Variants in ZBTB10 observed in about 807,000 individuals in gnomAD.
ZBTB10 encodes the protein zinc finger and BTB domain containing 10.
In ZBTB10, 32 loss-of-function variants were observed where a neutral mutation model predicts 76.4. That is an observed-to-expected ratio of 0.42 (90% CI 0.32 to 0.56). ZBTB10 has a LOEUF of 0.56. Ranked by LOEUF, ZBTB10 falls within the 20% of genes least tolerant of loss-of-function variation. The pLI is 0.14. For synonymous variants in ZBTB10, 523 were observed against 432.9 expected (o/e 1.21, Z -2.58); for missense variants, 1,057 against 1,098.5 (o/e 0.96, Z 0.53).
At chr8:80,500,948 A>G (rs1161601764) in intron 2 of ZBTB10, among the ~76,000 whole-genome samples, 1 of 151,838 alleles carries the variant, frequency 6.6e-6, no homozygotes, top group Non-Finnish European at 1.5e-5. Context: ...CTCACTGCAA[A>G]CTCCGCCTCC....
chr8:80,496,721 A>G (rs1316578608), intron 1 of ZBTB10, among the ~76,000 whole-genome samples: 1 of 152,218 alleles, frequency 6.6e-6, no homozygotes, highest in East Asian at 1.9e-4. Flanking sequence ...TACAGTAGGC[A>G]TAGCCACCTC....
In ZBTB10 at chr8:80,524,369, A is replaced by T. The variant is rs1283105686; in HGVS notation, c.*4841A>T. 6.6e-6 allele frequency: 1 copy of T among 152,116 alleles called. No individual in the cohort carries two copies. The highest frequency in any genetic ancestry group is 1.5e-5 in the Non-Finnish European group (1 of 67,952). 9.4% of individuals were successfully genotyped at this position (152,116 alleles called of 1,614,324 possible). A position where few individuals can be genotyped will look rare whatever the true frequency, so the allele number is the denominator to read the frequency against. On this transcript the variant is annotated 3_prime_UTR_variant, in exon 6 of 6. Coordinates refer to ENST00000455036, the MANE Select transcript of ZBTB10 (RefSeq NM_001105539.3). The stretch of plus-strand genomic sequence containing the variant: ...TCTACAGGTTTTAGAAAATATTAAA[A>T]ATTCCCTGTAATTTACATTTGTGCA...
intron 3 of ZBTB10, among the ~76,000 whole-genome samples, chr8:80,515,764 C>T (rs1300694447): frequency 6.6e-6 from 1 of 152,142 alleles, no homozygotes; most frequent in Non-Finnish European, 1.5e-5. Context: ...CAAAAACTTA[C>T]ATTGCTTTTT....
chr8:80,493,992 T>C (rs898607023), intron 1 of ZBTB10, among the ~76,000 whole-genome samples: 1 of 152,232 alleles, frequency 6.6e-6, no homozygotes, highest in African/African-American at 2.4e-5. Flanking sequence ...TGTCTTTTTC[T>C]CTACCAACTG....
rs541142005 is a variant in ZBTB10, at chr8:80,514,150, T to C, written c.1960+142T>C. 9.6e-5 allele frequency: 68 copies of C among 705,384 alleles called. No individual in the cohort carries two copies. In the African/African-American group the frequency reaches 1.0e-3, roughly 11 times the overall value. The allele number at this position is 705,384 out of a possible 1,614,324, so 43.7% of individuals were successfully genotyped here. ...CAATCTATGGTAGCTATGTTTATGA[T>C]GACTGGAAAATTGGTAAATGCAAAT... is the stretch of plus-strand genomic sequence containing the variant. On this transcript the variant is annotated intron_variant, in intron 3 of 5. Transcript: ENST00000455036.
intron 2 of ZBTB10, among the ~76,000 whole-genome samples, chr8:80,505,465 CAAATG>C (rs1816026515): frequency 6.6e-6 from 1 of 152,004 alleles, no homozygotes; most frequent in Non-Finnish European, 1.5e-5. Context: ...TACGAATACT[CAAATG>C]TAAGGTAATT....
intron 1 of ZBTB10, among the ~76,000 whole-genome samples, chr8:80,491,505 C>A (rs550094176): frequency 1.1e-3 from 169 of 152,286 alleles, no homozygotes; most frequent in African/African-American, 3.9e-3. Context: ...TTGGTAGTTA[C>A]CAAAAAGTTA....
Position 80,486,404 on chromosome 8 carries a change from A to T in ZBTB10, c.-407A>T, listed in dbSNP as rs372643025. 2 of 980,772 alleles carry T rather than the reference A, an allele frequency of 2.0e-6. No individual in the cohort carries two copies. The highest frequency in any genetic ancestry group is 6.3e-5 in the Admixed American group (1 of 15,828). 60.8% of individuals were successfully genotyped at this position (980,772 alleles called of 1,614,324 possible). A position where few individuals can be genotyped will look rare whatever the true frequency, so the allele number is the denominator to read the frequency against. The stretch of plus-strand genomic sequence containing the variant: ...CGGAGGAAGGATATCTGTGTGGAGG[A>T]TCGGTGTGTGCGCGCGCGGCTTTAA... On this transcript the variant is annotated 5_prime_UTR_variant, in exon 1 of 6. Coordinates refer to ENST00000455036, the MANE Select transcript of ZBTB10 (RefSeq NM_001105539.3).
rs768272775 is a variant in ZBTB10 at position 80,500,076 on chromosome 8, G to C, written c.1555G>C (p.Asp519His). The part of the protein sequence containing the change: ...NLASNVKIEN[D>H]GCNVDEGQIE... ...GGCAAGTAATGTAAAGATTGAAAAT[G>C]ATGGTTGTAATGTCGACGAGGGCCA... Residue 519 changes from aspartate to histidine, a missense_variant, in exon 2 of 6, where the codon GAT (aspartate) becomes CAT (histidine). By Grantham distance (81) the Asp-to-His change is moderately conservative. Coordinates refer to ENST00000455036, the MANE Select transcript of ZBTB10 (RefSeq NM_001105539.3). 1.2e-6 allele frequency: 2 copies of C among 1,613,958 alleles called. No homozygotes were observed. Among genetic ancestry groups the C allele is most frequent in the South Asian group, 2.2e-5 (2 of 91,076 alleles).
chr8:80,490,892 C>T (rs78613881), intron 1 of ZBTB10, among the ~76,000 whole-genome samples: 5,616 of 152,238 alleles, frequency 0.037, 241 homozygotes, highest in East Asian at 0.23. Flanking sequence ...TATAGCGGAG[C>T]TGAAAAATTA....
At chr8:80,490,264 T>G (rs781271637) in intron 1 of ZBTB10, among the ~76,000 whole-genome samples, 15 of 152,166 alleles carry the variant, frequency 9.9e-5, no homozygotes, top group Non-Finnish European at 1.9e-4. Flanking sequence ...ATTACCTTTT[T>G]GTTTTGTTTT....
In ZBTB10 at chr8:80,500,234, T is replaced by G; in HGVS notation, c.1713T>G (p.Thr571=). 1 of 1,594,386 alleles carries G rather than the reference T, an allele frequency of 6.3e-7. No homozygotes were observed. Among genetic ancestry groups the G allele is most frequent in the South Asian group, 1.1e-5 (1 of 88,726 alleles). Residue 571 remains threonine (T), a synonymous_variant, in exon 2 of 6, where the codon ACT becomes ACG. Coordinates refer to ENST00000455036, the MANE Select transcript of ZBTB10 (RefSeq NM_001105539.3). ...NNMGSQGIQE[T]GKTRRKNQTT... is the part of the protein sequence containing the mutation. ...TGGGCTCCCAGGGAATTCAAGAGAC[T>G]GGCAAAACAAGGAGGAAAAACCAAA...
At chr8:80,505,217 A>T (rs1015113061) in intron 2 of ZBTB10, among the ~76,000 whole-genome samples, 2 of 152,198 alleles carry the variant, frequency 1.3e-5, no homozygotes, top group African/African-American at 4.8e-5. Context: ...TCTAAGATAC[A>T]AAACAGCCTT....
In ZBTB10 at chr8:80,487,790, A is replaced by G; in HGVS notation, c.972+8A>G. 3 of 1,567,872 alleles carry G rather than the reference A, an allele frequency of 1.9e-6. No homozygotes were observed. The highest frequency in any genetic ancestry group is 2.2e-5 in the East Asian group (1 of 44,514). On this transcript the variant is annotated splice_region_variant and intron_variant, in intron 1 of 5. Coordinates refer to ENST00000455036, the MANE Select transcript of ZBTB10 (RefSeq NM_001105539.3). ...CACGAAGCCAACGCCCAGGTACAGT[A>G]TATCCTGCTCCTACTTTTTTGAGAT...
intron 2 of ZBTB10, among the ~76,000 whole-genome samples, chr8:80,509,992 C>G (rs971867755): frequency 6.6e-6 from 1 of 152,020 alleles, no homozygotes; most frequent in African/African-American, 2.4e-5. Flanking sequence ...ATTTAAAATG[C>G]AATACATGGT....
At chr8:80,495,888 C>A (rs922233782) in intron 1 of ZBTB10, among the ~76,000 whole-genome samples, 4 of 152,144 alleles carry the variant, frequency 2.6e-5, no homozygotes, top group Admixed American at 2.6e-4. Flanking sequence ...TACTAAATGG[C>A]ATCTTTACAA....
Position 80,486,651 on chromosome 8 carries a change from C to T in ZBTB10, c.-160C>T. The T allele has an allele frequency of 1.0e-6, 1 of 987,234 alleles. No homozygotes were observed. 61.2% of individuals were successfully genotyped at this position (987,234 alleles called of 1,614,324 possible). ...CGTGCAGCAGACCCGGGAGCGAGCGCGAGCCGGGCTGCCGGGCGAGAGGGC... is the reference window on the plus strand; with the variant it reads ...CGTGCAGCAGACCCGGGAGCGAGCGTGAGCCGGGCTGCCGGGCGAGAGGGC... On this transcript the variant is annotated 5_prime_UTR_variant, in exon 1 of 6. Transcript: ENST00000455036.
chr8:80,509,772 C>G (rs1816144381), intron 2 of ZBTB10, among the ~76,000 whole-genome samples: 1 of 152,102 alleles, frequency 6.6e-6, no homozygotes, highest in Non-Finnish European at 1.5e-5. Flanking sequence ...TTTCAAAAAT[C>G]TATGGTAATA....
At chr8:80,489,992 G>T (rs1338803465) in intron 1 of ZBTB10, among the ~76,000 whole-genome samples, 1 of 152,162 alleles carries the variant, frequency 6.6e-6, no homozygotes, top group Admixed American at 6.5e-5. Flanking sequence ...CTTAACATGA[G>T]TAACATGAGT....
Sources: gnomAD v4.1 joint callset for allele counts (sites outside exome capture counted in the v4.1 genomes callset) on GRCh38, gnomAD v4.1.1 for gene constraint, MANE v1.5 for transcripts, NCBI Gene and HGNC (gene_info 2026-07-23, HGNC 2026-07-21) for gene names.